Variants in KIF20B observed in about 807,000 individuals in gnomAD.
The protein encoded by KIF20B is kinesin-like protein KIF20B.
A neutral mutation model predicts 232.5 loss-of-function variants in KIF20B; 188 were observed. The ratio of observed to expected loss-of-function variants is 0.81; its 90% CI spans 0.72 to 0.91. The LOEUF (loss-of-function observed/expected upper bound fraction) is 0.91, where lower values mean the gene tolerates loss of function less well. Among genes scored for constraint, KIF20B ranks in the 40% least tolerant of loss-of-function variants. The pLI, the probability that KIF20B is intolerant of heterozygous loss-of-function variation, is 0.00. For synonymous variants in KIF20B, 712 were observed against 683.0 expected (o/e 1.04, Z -0.66); for missense variants, 2,154 against 2,055.9 (o/e 1.05, Z -0.92).
At chr10:89,715,238 T>A in intron 8 of KIF20B, 56 bp downstream of exon 8, 1 of 1,101,304 alleles carries the variant, frequency 9.1e-7, no homozygotes, top group Non-Finnish European at 1.3e-6. Flanking sequence ...CTGGGCTTTG[T>A]GATAGCTGTA....
At chr10:89,724,773 C>T (rs573209583) in intron 14 of KIF20B, among the ~76,000 whole-genome samples, 3 of 151,884 alleles carry the variant, frequency 2.0e-5, no homozygotes, top group African/African-American at 7.3e-5. Context: ...CACACCACCA[C>T]GCCCAGCTAA....
intron 22 of KIF20B, among the ~76,000 whole-genome samples, chr10:89,744,867 C>G (rs1332185310): frequency 6.6e-6 from 1 of 152,150 alleles, no homozygotes; most frequent in African/African-American, 2.4e-5. Flanking sequence ...ATGATTCACT[C>G]TTAAGACTTA....
chr10:89,710,899 C>T, intron 5 of KIF20B, 62 bp from the exon 6 acceptor site: 2 of 1,357,376 alleles, frequency 1.5e-6, no homozygotes, highest in Non-Finnish European at 1.0e-6. Flanking sequence ...CTTTAATAAA[C>T]AAGTAAAGTT....
intron 29 of KIF20B, among the ~76,000 whole-genome samples, chr10:89,767,343 C>T (rs1372345291): frequency 1.3e-5 from 2 of 150,748 alleles, no homozygotes. Flanking sequence ...CCCCCCACCC[C>T]CCGACAGGCT....
In KIF20B at chr10:89,718,697, A is replaced by AT. The variant is rs1842986270; in HGVS notation, c.1272-7dup. 6.3e-7 allele frequency: 1 copy of AT among 1,598,116 alleles called. No individual in the cohort carries two copies. On this transcript the variant is annotated splice_polypyrimidine_tract_variant and intron_variant, in intron 11 of 32. Transcript: ENST00000371728. The stretch of plus-strand genomic sequence containing the variant: ...TTTTAACTTACAATGTTTTCTGAAA[A>AT]TTTTTTCTGTAGGTTTCAACAGCAT...
intron 32 of KIF20B, among the ~76,000 whole-genome samples, 156 bp downstream of exon 32, chr10:89,772,987 T>G (rs1346021198): frequency 6.6e-6 from 1 of 152,144 alleles, no homozygotes; most frequent in South Asian, 2.1e-4. Flanking sequence ...ACTAATTAAA[T>G]ATAAATACTG....
At chr10:89,743,735 A>G (rs1187625680) in intron 21 of KIF20B, 73 bp from the exon 22 acceptor site, 3 of 1,022,664 alleles carry the variant, frequency 2.9e-6, no homozygotes, top group African/African-American at 3.4e-5. Context: ...CATAGTTGCC[A>G]TGAATCTTAA....
Position 89,724,096 on chromosome 10 carries a change from G to T in KIF20B, c.1855G>T (p.Asp619Tyr). The change falls in exon 14 of 33, where the codon GAC (aspartate) becomes TAC (tyrosine). Residue 619 changes from aspartate to tyrosine, a missense_variant. By Grantham distance (160) the Asp-to-Tyr change is radical. Coordinates refer to ENST00000371728, the MANE Select transcript of KIF20B (RefSeq NM_001284259.2). ...TCAGTATTGGGCTCAACGGGAAGCT[G>T]ACTTTAAGTAAGTTATTTATTTCAT... ...FTQYWAQREA[D>Y]FKETLLQERE... 2 of 1,479,896 alleles carry T rather than the reference G, an allele frequency of 1.4e-6. No homozygotes were observed. The highest frequency in any genetic ancestry group is 3.0e-5 in the South Asian group (2 of 66,638). The allele number at this position is 1,479,896 out of a possible 1,614,324, so 91.7% of individuals were successfully genotyped here. A position where few individuals can be genotyped will look rare whatever the true frequency, so the allele number is the denominator to read the frequency against.
Position 89,762,686 on chromosome 10 carries a change from C to A in KIF20B, c.4840C>A (p.Gln1614Lys). 1 of 1,613,546 alleles carries A rather than the reference C, an allele frequency of 6.2e-7. No homozygotes were observed. Among genetic ancestry groups the A allele is most frequent in the Non-Finnish European group, 8.5e-7 (1 of 1,179,724 alleles). Reference sequence around the variant, plus strand: ...TTGTGAAGTGTCAACAGAAAATGATCAAAGCACTCGATTTCCAAAACCTGA... The same window carrying A: ...TTGTGAAGTGTCAACAGAAAATGATAAAAGCACTCGATTTCCAAAACCTGA... ...DSCEVSTEND[Q>K]STRFPKPELE... Residue 1614 changes from glutamine (Q) to lysine (K), a missense_variant, in exon 29 of 33, where the codon CAA becomes AAA. Coordinates refer to ENST00000371728, the MANE Select transcript of KIF20B (RefSeq NM_001284259.2).
chr10:89,752,270 A>G (rs1842036133), intron 24 of KIF20B, among the ~76,000 whole-genome samples: 1 of 152,056 alleles, frequency 6.6e-6, no homozygotes, highest in Non-Finnish European at 1.5e-5. Flanking sequence ...GGGCATAGAA[A>G]ACTTTTTTCT....
intron 16 of KIF20B, 34 bp downstream of exon 16, chr10:89,726,555 T>G (rs1260653635): frequency 2.0e-6 from 3 of 1,469,124 alleles, no homozygotes; most frequent in South Asian, 2.7e-5. Flanking sequence ...ATTTAGATAT[T>G]GTAAACACAT....
intron 26 of KIF20B, among the ~76,000 whole-genome samples, chr10:89,757,679 A>G (rs539512822): frequency 2.0e-5 from 3 of 152,144 alleles, no homozygotes; most frequent in Admixed American, 2.0e-4. Context: ...GATAGTGGTC[A>G]AAGCTCTTGA....
Position 89,701,639 on chromosome 10 carries a change from C to T in KIF20B, c.-43C>T, listed in dbSNP as rs138757010. The T allele has an allele frequency of 2.0e-5, 3 of 152,516 alleles. No individual in the cohort carries two copies. The highest frequency in any genetic ancestry group is 1.9e-4 in the East Asian group (1 of 5,188). The allele number at this position is 152,516 out of a possible 1,614,324, so 9.4% of individuals were successfully genotyped here. ...TTTGAATTTGAAAACGGTAACATCG[C>T]AGTGCTGCTCGCGGGTCTGGCTAGT... On this transcript the variant is annotated 5_prime_UTR_variant, in exon 1 of 33. Transcript: ENST00000371728.
Position 89,714,059 on chromosome 10 carries a change from A to G in KIF20B, c.688A>G (p.Asn230Asp). The change falls in exon 7 of 33, where the codon AAT becomes GAT. Residue 230 changes from asparagine (N) to aspartate (D), a missense_variant. Physicochemically the swap from Asn to Asp is conservative, Grantham distance 23. Transcript: ENST00000371728. ...LRQIKEVTVH[N>D]DSDDTLYGSL... ...ATCTTTTTTTTAGGTTACTGTGCAT[A>G]ATGATAGTGATGATACTCTTTATGG... 6.9e-7 allele frequency: 1 copy of G among 1,451,234 alleles called. No individual in the cohort carries two copies. Among genetic ancestry groups the G allele is most frequent in the Non-Finnish European group, 9.3e-7 (1 of 1,076,962 alleles). The allele number at this position is 1,451,234 out of a possible 1,614,324, so 89.9% of individuals were successfully genotyped here. A position where few individuals can be genotyped will look rare whatever the true frequency, so the allele number is the denominator to read the frequency against.
At chr10:89,735,726 G>T (rs1841637521) in intron 19 of KIF20B, among the ~76,000 whole-genome samples, 1 of 151,790 alleles carries the variant, frequency 6.6e-6, no homozygotes, top group African/African-American at 2.4e-5. Context: ...TTTTAGTAGA[G>T]ACAGGGTTTC....
chr10:89,744,027 A>G, intron 22 of KIF20B, 100 bp downstream of exon 22: 2 of 927,350 alleles, frequency 2.2e-6, no homozygotes, highest in Non-Finnish European at 3.2e-6. Flanking sequence ...TCCTGTTTTG[A>G]CTTTTTCTAG....
In KIF20B at chr10:89,732,976, A is replaced by G; in HGVS notation, c.2465A>G (p.Asp822Gly). ...AATGAAACAGTTGAAGTACCTAAGGACAGCAAATCTAAAATCTGTTCAGAA... is the reference window on the plus strand; with the variant it reads ...AATGAAACAGTTGAAGTACCTAAGGGCAGCAAATCTAAAATCTGTTCAGAA... ...ICNETVEVPK[D>G]SKSKICSERK... is the part of the protein sequence containing the mutation. The change falls in exon 19 of 33, where the codon GAC becomes GGC. Residue 822 changes from aspartate (D) to glycine (G), a missense_variant. Asp to Gly is a moderately conservative substitution (Grantham distance 94, BLOSUM62 -1). Coordinates refer to ENST00000371728, the MANE Select transcript of KIF20B (RefSeq NM_001284259.2). 4 of 1,613,098 alleles carry G rather than the reference A, an allele frequency of 2.5e-6. No homozygotes were observed. The highest frequency in any genetic ancestry group is 3.4e-6 in the Non-Finnish European group (4 of 1,179,158).
chr10:89,719,398 T>A (rs1163490209), intron 12 of KIF20B, 21 bp from the exon 13 acceptor site: 1 of 1,503,012 alleles, frequency 6.7e-7, no homozygotes, highest in Non-Finnish European at 8.9e-7. Flanking sequence ...GTTTTAAAAG[T>A]CACATTGAAT....
intron 27 of KIF20B, 130 bp from the exon 28 acceptor site, chr10:89,760,396 G>A (rs1320486390): frequency 9.8e-6 from 6 of 612,810 alleles, no homozygotes; most frequent in Non-Finnish European, 1.7e-5. Flanking sequence ...GGTAATTAAA[G>A]GTGTCTTTAC....
Sources: gnomAD v4.1 joint callset for allele counts (sites outside exome capture counted in the v4.1 genomes callset) on GRCh38, gnomAD v4.1.1 for gene constraint, MANE v1.5 for transcripts, NCBI Gene and HGNC (gene_info 2026-07-23, HGNC 2026-07-21) for gene names.